The following RIMS2 variants were observed in gnomAD, a reference collection of about 807,000 sequenced individuals.
The protein encoded by RIMS2 is regulating synaptic membrane exocytosis 2, also known as regulating synaptic membrane exocytosis protein 2.
A neutral mutation model predicts 174.4 loss-of-function variants in RIMS2; 59 were observed. The ratio of observed to expected loss-of-function variants is 0.34; its 90% confidence interval spans 0.27 to 0.42. RIMS2 has a LOEUF of 0.42. RIMS2 is among the 10% of genes least tolerant of loss of function. RIMS2 has a pLI of 1.00. For missense variants in RIMS2, 1,620 were observed against 1,666.3 expected, an observed-to-expected ratio of 0.97 and a Z score of 0.48; for synonymous variants, 606 against 572.5, an observed-to-expected ratio of 1.06 and a Z score of -0.84.
At chr8:104,095,233 T>C (rs1161777240) in intron 19 of RIMS2, among the ~76,000 whole-genome samples, 2 of 152,174 alleles carry the variant, frequency 1.3e-5, no homozygotes, top group African/African-American at 4.8e-5. Flanking sequence ...AGGTAGCAAA[T>C]AGTAGACTTT....
intron 1 of RIMS2, among the ~76,000 whole-genome samples, chr8:103,504,802 T>A (rs554242793): frequency 2.8e-4 from 43 of 151,576 alleles, no homozygotes; most frequent in African/African-American, 9.9e-4. Context: ...TTATAAAATT[T>A]TGAAATAAAA....
At chr8:104,109,200 G>A (rs548422447) in intron 19 of RIMS2, among the ~76,000 whole-genome samples, 2 of 151,036 alleles carry the variant, frequency 1.3e-5, no homozygotes, top group Non-Finnish European at 2.9e-5. Context: ...CGGAGGCCGA[G>A]GCAGGAGAAT....
intron 1 of RIMS2, among the ~76,000 whole-genome samples, chr8:103,535,404 C>A (rs573888145): frequency 6.6e-6 from 1 of 152,208 alleles, no homozygotes; most frequent in Admixed American, 6.5e-5. Context: ...GAACCTTGCT[C>A]AGAAATGTGA....
chr8:103,802,978 A>G (rs776852999), intron 3 of RIMS2, among the ~76,000 whole-genome samples: 1 of 152,128 alleles, frequency 6.6e-6, no homozygotes, highest in South Asian at 2.1e-4. Context: ...ATTCAGCATC[A>G]TGGTGGTTTT....
chr8:104,002,269 A>G (rs1285301878), intron 17 of RIMS2, among the ~76,000 whole-genome samples: 1 of 151,652 alleles, frequency 6.6e-6, no homozygotes, highest in South Asian at 2.1e-4. Context: ...TGATCCCTTT[A>G]TTCTTGCTGT....
chr8:103,520,221 A>G (rs1405496027), intron 1 of RIMS2, among the ~76,000 whole-genome samples: 1 of 152,158 alleles, frequency 6.6e-6, no homozygotes, highest in African/African-American at 2.4e-5. Context: ...CACAGAAGAC[A>G]TTCAATAAAT....
chr8:104,069,548 A>C (rs1394327413), intron 19 of RIMS2, among the ~76,000 whole-genome samples: 1 of 139,712 alleles, frequency 7.2e-6, no homozygotes. Flanking sequence ...GGCTCACTGC[A>C]ACCTCCGCCT....
At chr8:103,760,520 G>A (rs531705652) in intron 2 of RIMS2, among the ~76,000 whole-genome samples, 3 of 152,308 alleles carry the variant, frequency 2.0e-5, no homozygotes, top group South Asian at 2.1e-4. Flanking sequence ...GTTTAGTAGC[G>A]CAAGCTACCC....
chr8:104,196,726 T>G (rs1008246306), intron 19 of RIMS2, among the ~76,000 whole-genome samples: 2 of 152,176 alleles, frequency 1.3e-5, no homozygotes, highest in Non-Finnish European at 2.9e-5. Flanking sequence ...CATTTCACAA[T>G]GAATATTTTT....
At chr8:103,872,248 C>CTA (rs1270940826) in intron 3 of RIMS2, among the ~76,000 whole-genome samples, 16 of 152,174 alleles carry the variant, frequency 1.1e-4, no homozygotes. Context: ...TTGTACTGTT[C>CTA]TATCTCTTAT....
chr8:103,792,940 A>G (rs1286987386), intron 3 of RIMS2, among the ~76,000 whole-genome samples: 1 of 152,228 alleles, frequency 6.6e-6, no homozygotes, highest in Admixed American at 6.5e-5. Context: ...GCAATAATTA[A>G]TAGCCTACCA....
chr8:103,642,138 T>C (rs1440424981), intron 1 of RIMS2, among the ~76,000 whole-genome samples: 1 of 152,158 alleles, frequency 6.6e-6, no homozygotes, highest in Non-Finnish European at 1.5e-5. Flanking sequence ...TATCTTCTAA[T>C]TTTTCTCTCT....
At position 103,816,755 on chromosome 8, in the gene RIMS2, A is replaced by G. The variant is rs1246024854; in HGVS notation, c.698+50218A>G. ...GTGTAGTATAGTGAGAGCTGGAAAA[A>G]TAAGTCTCTGAGGAAGGCAGTTGAT... On this transcript the variant is annotated intron_variant, in intron 3 of 23. Transcript: ENST00000504942. Among the ~76,000 whole-genome samples, 7 of 152,184 alleles carry G rather than the reference A, an allele frequency of 4.6e-5. No homozygotes were observed. The East Asian group carries it at 1.3e-3, about 29-fold the overall frequency.
intron 2 of RIMS2, among the ~76,000 whole-genome samples, chr8:103,717,367 T>C (rs1591003510): frequency 6.6e-6 from 1 of 151,388 alleles, no homozygotes; most frequent in East Asian, 1.9e-4. Context: ...TTTGAAGATA[T>C]ATGGGTCAAT....
chr8:103,775,800 A>G (rs1361030785), intron 3 of RIMS2, among the ~76,000 whole-genome samples: 3 of 152,192 alleles, frequency 2.0e-5, no homozygotes. Context: ...AACATAGTAT[A>G]ATAATTGGTT....
chr8:104,217,864 C>T (rs940390005), intron 19 of RIMS2, among the ~76,000 whole-genome samples: 4 of 151,986 alleles, frequency 2.6e-5, no homozygotes, highest in Non-Finnish European at 5.9e-5. Flanking sequence ...ATGGATTTAT[C>T]GCTCATGACT....
intron 19 of RIMS2, among the ~76,000 whole-genome samples, chr8:104,098,866 C>T (rs780297188): frequency 8.6e-5 from 13 of 152,044 alleles, no homozygotes; most frequent in Non-Finnish European, 1.8e-4. Context: ...TCTATTTATG[C>T]CTATATTATG....
intron 19 of RIMS2, among the ~76,000 whole-genome samples, chr8:104,196,998 T>A (rs1244319054): frequency 6.6e-6 from 1 of 152,152 alleles, no homozygotes; most frequent in Non-Finnish European, 1.5e-5. Context: ...ATTTTTCCTA[T>A]AGATAAATCA....
At chr8:103,754,996 G>A (rs149777671) in intron 2 of RIMS2, among the ~76,000 whole-genome samples, 59 of 152,236 alleles carry the variant, frequency 3.9e-4, no homozygotes, top group African/African-American at 1.3e-3. Flanking sequence ...TATTTTGCCC[G>A]TTAGTTTATG....
Sources: gnomAD v4.1 joint callset for allele counts (sites outside exome capture counted in the v4.1 genomes callset) on GRCh38, gnomAD v4.1.1 for gene constraint, MANE v1.5 for transcripts, NCBI Gene and HGNC (gene_info 2026-07-23, HGNC 2026-07-21) for gene names.